ABCA1: variants seen among roughly 807,000 people sequenced by gnomAD.
ABCA1 encodes phospholipid-transporting ATPase ABCA1.
In ABCA1, 133 loss-of-function variants were observed where a neutral mutation model predicts 262.5. The observed-to-expected ratio is 0.51, with a 90% CI of 0.44 to 0.59. The LOEUF (loss-of-function observed/expected upper bound fraction) is 0.59, where lower values mean the gene tolerates loss of function less well. ABCA1 is among the 20% of genes least tolerant of loss of function. ABCA1 has a pLI of 0.00. For missense variants in ABCA1, 2,452 were observed against 2,777.5 expected (o/e 0.88, Z 2.63); for synonymous variants, 1,022 against 1,043.5 (o/e 0.98, Z 0.40).
At chr9:104,903,341 C>A (rs971515609) in intron 2 of ABCA1, among the ~76,000 whole-genome samples, 1 of 152,090 alleles carries the variant, frequency 6.6e-6, no homozygotes, top group African/African-American at 2.4e-5. Flanking sequence ...TGCTCAGGGG[C>A]GATTCGGAGC....
At chr9:104,842,270 A>G (rs1486103530) in intron 8 of ABCA1, among the ~76,000 whole-genome samples, 1 of 152,152 alleles carries the variant, frequency 6.6e-6, no homozygotes, top group Non-Finnish European at 1.5e-5. Flanking sequence ...TTTTCTTTTC[A>G]TAACCTGTAC....
intron 30 of ABCA1, among the ~76,000 whole-genome samples, chr9:104,809,153 G>A (rs969823178): frequency 6.6e-6 from 1 of 152,148 alleles, no homozygotes; most frequent in Non-Finnish European, 1.5e-5. Context: ...ACAGGGGCTG[G>A]GAGAGAAAGA....
At chr9:104,862,416 T>TTTCAAGCAAGAAGTCAAAC (rs534562831) in intron 5 of ABCA1, among the ~76,000 whole-genome samples, 36,696 of 151,782 alleles carry the variant, frequency 0.24, 5,619 homozygotes, top group African/African-American at 0.42. Context: ...GTCTTTCTCT[T>TTTCAAGCAAGAAGTCAAAC]CTAAATGATC....
At chr9:104,785,207 A>G (rs1441377610) in intron 49 of ABCA1, among the ~76,000 whole-genome samples, 189 bp downstream of exon 49, 3 of 152,170 alleles carry the variant, frequency 2.0e-5, no homozygotes, top group African/African-American at 7.2e-5. Context: ...CAATAATCCT[A>G]TAGAGTACAT....
chr9:104,860,602 A>C lies in ABCA1; in HGVS notation c.543+1077T>G, dbSNP rs116171343. On this transcript the variant is annotated intron_variant, in intron 6 of 49. Transcript: ENST00000374736. ...TTTCTGCCAGAGAATAAGCTCAAAA[A>C]GTGTCTCTGAAAAATCAATAACCAT... 8.7e-3 allele frequency among the ~76,000 whole-genome samples: 1,325 copies of C among 152,230 alleles called. 21 individuals carry two copies. Among genetic ancestry groups the C allele is most frequent in the African/African-American group, 0.03 (1,261 of 41,514 alleles).
intron 1 of ABCA1, among the ~76,000 whole-genome samples, chr9:104,904,198 GAGTGACTTATACTATTCCCTGA>G (rs1330914563): frequency 6.6e-6 from 1 of 152,138 alleles, no homozygotes; most frequent in Non-Finnish European, 1.5e-5. Flanking sequence ...CTCAAGCCTG[GAGTGACTTATACTATTCCCTGA>G]ACTTCCTTAC....
chr9:104,924,950 A>AT (rs949804836), intron 1 of ABCA1, among the ~76,000 whole-genome samples: 5 of 152,314 alleles, frequency 3.3e-5, no homozygotes, highest in African/African-American at 9.6e-5. Context: ...AGTTTCATTC[A>AT]TTTTTTTATG....
Position 104,798,602 on chromosome 9 carries a change from G to C in ABCA1, c.4944-4C>G, listed in dbSNP as rs765725585. The C allele has an allele frequency of 6.2e-7, 1 of 1,613,762 alleles. No homozygotes were observed. The highest frequency in any genetic ancestry group is 1.1e-5 in the South Asian group (1 of 90,998). On this transcript the variant is annotated splice_region_variant and splice_polypyrimidine_tract_variant and intron_variant, in intron 36 of 49. Coordinates refer to ENST00000374736, the MANE Select transcript of ABCA1 (RefSeq NM_005502.4). ...GACATCCACTGATGTGGTCATCCTG[G>C]AGAGAAAAAGCGTGTGAAAATCTGA...
At chr9:104,837,609 T>C in intron 9 of ABCA1, 42 bp from the exon 10 acceptor site, 1 of 1,610,356 alleles carries the variant, frequency 6.2e-7, no homozygotes, top group Non-Finnish European at 8.5e-7. Context: ...TGCATGGTCA[T>C]ATACTGATAG....
intron 5 of ABCA1, among the ~76,000 whole-genome samples, chr9:104,862,700 G>GC (rs1564199896): frequency 4.8e-4 from 1 of 2,080 alleles, no homozygotes; most frequent in African/African-American, 1.1e-3. Flanking sequence ...GGGCCGGGCC[G>GC]GCCCCCACCC....
chr9:104,808,412 C>T (rs78933698), intron 30 of ABCA1, among the ~76,000 whole-genome samples: 1,672 of 152,284 alleles, frequency 0.011, 32 homozygotes, highest in African/African-American at 0.036. Context: ...ATCTTCCCTA[C>T]ACAACCTTCA....
intron 2 of ABCA1, 50 bp from the exon 3 acceptor site, chr9:104,889,245 A>T (rs2275545): frequency 6.3e-7 from 1 of 1,585,092 alleles, no homozygotes; most frequent in Non-Finnish European, 8.6e-7. Flanking sequence ...TAATATGGAT[A>T]TCCAATGCCA....
intron 12 of ABCA1, 38 bp downstream of exon 12, chr9:104,832,536 G>A (rs370009189): frequency 2.7e-5 from 44 of 1,608,772 alleles, no homozygotes; most frequent in East Asian, 2.0e-4. Flanking sequence ...GAAAGAAGCC[G>A]TTAAGTCTTT....
intron 40 of ABCA1, among the ~76,000 whole-genome samples, chr9:104,793,890 G>A (rs1442697826): frequency 5.9e-5 from 9 of 152,044 alleles, no homozygotes; most frequent in Non-Finnish European, 1.3e-4. Context: ...ATAATCATAT[G>A]GCTACCGGAG....
chr9:104,825,967 G>A (rs1832778018), intron 16 of ABCA1, 80 bp from the exon 17 acceptor site: 2 of 1,490,406 alleles, frequency 1.3e-6, no homozygotes, highest in African/African-American at 1.4e-5. Context: ...AATTATACCT[G>A]GAGAAATTTG....
chr9:104,885,706 G>A (rs1016780995), intron 3 of ABCA1, among the ~76,000 whole-genome samples: 7 of 152,154 alleles, frequency 4.6e-5, no homozygotes, highest in African/African-American at 1.7e-4. Flanking sequence ...CGTAATACAT[G>A]GATGCTGCTT....
At chr9:104,796,283 A>T (rs1829890989) in intron 38 of ABCA1, 26 bp downstream of exon 38, 4 of 1,613,846 alleles carry the variant, frequency 2.5e-6, no homozygotes, top group Admixed American at 3.3e-5. Context: ...TCCACTGTGC[A>T]GCTCCCTCAC....
intron 2 of ABCA1, among the ~76,000 whole-genome samples, chr9:104,895,511 G>A (rs1039301831): frequency 6.6e-6 from 1 of 151,830 alleles, no homozygotes; most frequent in Non-Finnish European, 1.5e-5. Context: ...AAGGGTGAGG[G>A]TGGGGTGGGG....
In ABCA1 at chr9:104,785,510, T is replaced by C. The variant is rs1828846287; in HGVS notation, c.6531A>G (p.Gln2177=). The change falls in exon 49 of 50, where the codon CAA becomes CAG. Residue 2177 remains glutamine (Q), a synonymous_variant. Coordinates refer to ENST00000374736, the MANE Select transcript of ABCA1 (RefSeq NM_005502.4). The part of the protein sequence containing the change: ...VLKEKHRNML[Q]YQLPSSLSSL... ...AAGATAATGAAGATGGAAGCTGGTATTGTAGCATGTTCCGGTGTTTCTCTT... is the reference window on the plus strand; with the variant it reads ...AAGATAATGAAGATGGAAGCTGGTACTGTAGCATGTTCCGGTGTTTCTCTT... The C allele has an allele frequency of 6.2e-7, 1 of 1,614,160 alleles. No individual in the cohort carries two copies. The highest frequency in any genetic ancestry group is 8.5e-7 in the Non-Finnish European group (1 of 1,179,996).
Sources: gnomAD v4.1 joint callset for allele counts (sites outside exome capture counted in the v4.1 genomes callset) on GRCh38, gnomAD v4.1.1 for gene constraint, MANE v1.5 for transcripts, NCBI Gene and HGNC (gene_info 2026-07-23, HGNC 2026-07-21) for gene names.